Variants in BRAT1 observed in about 807,000 individuals in gnomAD.
The protein encoded by BRAT1 is BRCA1 associated ATM activator 1, also known as integrator complex assembly factor BRAT1.
Under a neutral mutation model 70.6 loss-of-function variants are expected in BRAT1, and 74 were observed. That is an observed-to-expected ratio of 1.05 (90% CI 0.87 to 1.27). The LOEUF (loss-of-function observed/expected upper bound fraction) is 1.27, where lower values mean the gene tolerates loss of function less well. Ranked by LOEUF, BRAT1 falls within the 50% of genes most tolerant of loss-of-function variation. BRAT1 has a pLI of 0.00. For synonymous variants in BRAT1, 615 were observed against 517.1 expected (o/e 1.19, Z -2.57); for missense variants, 1,203 against 1,098.2 (o/e 1.10, Z -1.35).
intron 10 of BRAT1, 93 bp downstream of exon 10, chr7:2,540,886 C>T (rs1285227121): frequency 2.6e-5 from 33 of 1,267,328 alleles, no homozygotes; most frequent in Admixed American, 3.6e-5. Flanking sequence ...AGGCCCCATC[C>T]GCAGAGGCCT....
At chr7:2,554,277 G>A (rs1780247904) in intron 2 of BRAT1, 28 bp downstream of exon 2, 1 of 1,610,226 alleles carries the variant, frequency 6.2e-7, no homozygotes, top group Non-Finnish European at 8.5e-7. Flanking sequence ...CTCTGGATAG[G>A]CAGTAAACAG....
chr7:2,547,616 A>G, intron 2 of BRAT1, 138 bp from the exon 3 acceptor site: 1 of 870,564 alleles, frequency 1.1e-6, no homozygotes, highest in Non-Finnish European at 1.7e-6. Context: ...GGAAAAAAAT[A>G]TCTGCAACAA....
At chr7:2,547,643 A>C (rs551089012) in intron 2 of BRAT1, among the ~76,000 whole-genome samples, 165 bp from the exon 3 acceptor site, 1 of 152,252 alleles carries the variant, frequency 6.6e-6, no homozygotes, top group Non-Finnish European at 1.5e-5. Flanking sequence ...CAAATGACTC[A>C]TAATTTTAAT....
At position 2,543,722 on chromosome 7, in the gene BRAT1, G is replaced by A. The variant is rs1451927614; in HGVS notation, c.671C>T (p.Thr224Ile). 2 of 1,590,152 alleles carry A rather than the reference G, an allele frequency of 1.3e-6. No homozygotes were observed. Among genetic ancestry groups the A allele is most frequent in the Admixed American group, 1.7e-5 (1 of 58,962 alleles). Residue 224 changes from threonine to isoleucine, a missense_variant, in exon 5 of 14, where the codon ACC becomes ATC. Coordinates refer to ENST00000340611, the MANE Select transcript of BRAT1 (RefSeq NM_152743.4). This position sits in a 1 kb window ranked among gnomAD's most constrained non-coding sequence, Gnocchi z 5.5. Reference protein sequence around the residue: ...VTQALNVLTTTFGRCQSPWTE... With the variant: ...VTQALNVLTTIFGRCQSPWTE... The stretch of plus-strand genomic sequence containing the variant: ...CCAGGGGCTCTGGCAGCGCCCGAAG[G>A]TCGTGGTCAGGACGTTCAGGGCCTG...
In BRAT1 at chr7:2,539,810, G is replaced by A. The variant is rs1338434584; in HGVS notation, c.1474C>T (p.Pro492Ser). Residue 492 changes from proline (P) to serine (S), a missense_variant, in exon 11 of 14, where the codon CCC (proline) becomes TCC (serine). By Grantham distance (74) the Pro-to-Ser change is moderately conservative. Transcript: ENST00000340611. ...PKTPGCSDLG[P>S]LIPQFLRELF... ...CCTCTGAGGAACTGCGGGATGAGGG[G>A]GCCGAGATCAGAGCAGCCGGGGGTC... 1.9e-6 allele frequency: 3 copies of A among 1,611,940 alleles called. No individual in the cohort carries two copies. The highest frequency in any genetic ancestry group is 2.2e-5 in the East Asian group (1 of 44,810).
At position 2,541,797 on chromosome 7, in the gene BRAT1, TCCA is replaced by T; in HGVS notation, c.1052_1054del (p.Val351del). ...GGACGACTTGGAGGCCAGGAGTGTG[TCCA>T]CCGTCGTGGCATCGTCTGCCGTCCC... On this transcript the variant is annotated inframe_deletion, in exon 8 of 14. Coordinates refer to ENST00000340611, the MANE Select transcript of BRAT1 (RefSeq NM_152743.4). 1.2e-6 allele frequency: 2 copies of T among 1,612,748 alleles called. No homozygotes were observed. Among genetic ancestry groups the T allele is most frequent in the Non-Finnish European group, 1.7e-6 (2 of 1,179,856 alleles).
At chr7:2,549,200 T>C (rs1583328595) in intron 2 of BRAT1, among the ~76,000 whole-genome samples, 1 of 151,934 alleles carries the variant, frequency 6.6e-6, no homozygotes, top group East Asian at 1.9e-4. Context: ...AATATAAGGG[T>C]AGCCACTGAA....
chr7:2,539,566 G>A lies in BRAT1; in HGVS notation c.1575C>T (p.Thr525=). 1 of 1,573,608 alleles carries A rather than the reference G, an allele frequency of 6.4e-7. No individual in the cohort carries two copies. Among genetic ancestry groups the A allele is most frequent in the Non-Finnish European group, 8.6e-7 (1 of 1,158,788 alleles). Reference sequence around the variant, plus strand: ...CACCTCCCCAGTGCCTGCTCAGCTGGGTCAGGAACTCGAGGGCGGAGTCCC... The same window carrying A: ...CACCTCCCCAGTGCCTGCTCAGCTGAGTCAGGAACTCGAGGGCGGAGTCCC... The part of the protein sequence containing the change: ...EVRDSALEFL[T]QLSRHWGGQA... The change falls in exon 12 of 14, where the codon ACC becomes ACT. Residue 525 remains threonine (T), a synonymous_variant. Coordinates refer to ENST00000340611, the MANE Select transcript of BRAT1 (RefSeq NM_152743.4).
chr7:2,541,605 G>A, intron 8 of BRAT1, 113 bp downstream of exon 8: 1 of 1,456,126 alleles, frequency 6.9e-7, no homozygotes, highest in Non-Finnish European at 9.2e-7. Context: ...TCCCACTGCT[G>A]GCGTGGATGC....
chr7:2,543,989 G>GA lies in BRAT1; in HGVS notation c.431-28dup, dbSNP rs772790948. On this transcript the variant is annotated intron_variant, in intron 4 of 13. Coordinates refer to ENST00000340611, the MANE Select transcript of BRAT1 (RefSeq NM_152743.4). The surrounding 1 kb of genome is among the most constrained non-coding windows in gnomAD (Gnocchi z 5.5). Reference sequence around the variant, plus strand: ...TGGGTAGGGGATGGGGGAAGAGAGGGAAAAGGGGGTGAGCCAGAATAGAGC... The same window carrying GA: ...TGGGTAGGGGATGGGGGAAGAGAGGGAAAAAGGGGGTGAGCCAGAATAGAGC... 1.3e-6 allele frequency: 2 copies of GA among 1,521,270 alleles called. No homozygotes were observed. Among genetic ancestry groups the GA allele is most frequent in the Non-Finnish European group, 1.8e-6 (2 of 1,128,416 alleles). 94.2% of individuals were successfully genotyped at this position (1,521,270 alleles called of 1,614,324 possible).
chr7:2,541,094 C>T, intron 9 of BRAT1, 42 bp from the exon 10 acceptor site: 1 of 1,504,508 alleles, frequency 6.6e-7, no homozygotes, highest in South Asian at 1.3e-5. Flanking sequence ...CACCCCCACC[C>T]TAGGACCCTC....
intron 9 of BRAT1, 74 bp downstream of exon 9, chr7:2,541,224 G>T: frequency 6.7e-7 from 1 of 1,483,528 alleles, no homozygotes; most frequent in South Asian, 1.4e-5. Context: ...AGCAGTTCCC[G>T]GGTGCCTCCG....
intron 2 of BRAT1, among the ~76,000 whole-genome samples, chr7:2,552,523 C>G (rs1780115181): frequency 6.7e-6 from 1 of 149,954 alleles, no homozygotes; most frequent in African/African-American, 2.5e-5. Context: ...CCCAGGAGAT[C>G]GAAAACAGCT....
rs1348960942 is a variant in BRAT1 at position 2,537,890 on chromosome 7, TAA to T, written c.*177_*178del. 1 of 1,045,354 alleles carries T rather than the reference TAA, an allele frequency of 9.6e-7. No individual in the cohort carries two copies. Among genetic ancestry groups the T allele is most frequent in the Non-Finnish European group, 1.3e-6 (1 of 785,152 alleles). 64.8% of individuals were successfully genotyped at this position (1,045,354 alleles called of 1,614,324 possible). A position where few individuals can be genotyped will look rare whatever the true frequency, so the allele number is the denominator to read the frequency against. The stretch of plus-strand genomic sequence containing the variant: ...CAATGCCATTTATTTTGAGTAGAAA[TAA>T]GTCATTTCTTTAATACATCAAACTG... On this transcript the variant is annotated 3_prime_UTR_variant, in exon 14 of 14. Coordinates refer to ENST00000340611, the MANE Select transcript of BRAT1 (RefSeq NM_152743.4).
At chr7:2,553,614 C>G (rs1412931056) in intron 2 of BRAT1, among the ~76,000 whole-genome samples, 1 of 151,072 alleles carries the variant, frequency 6.6e-6, no homozygotes, top group African/African-American at 2.4e-5. Flanking sequence ...CCTCTTTACT[C>G]TTTTGTTCAT....
In BRAT1 at chr7:2,539,200, A is replaced by G; in HGVS notation, c.1749T>C (p.Pro583=). The G allele has an allele frequency of 6.2e-7, 1 of 1,607,434 alleles. No homozygotes were observed. Among genetic ancestry groups the G allele is most frequent in the Non-Finnish European group, 8.5e-7 (1 of 1,177,460 alleles). Residue 583 remains proline, a synonymous_variant, in exon 13 of 14, where the codon CCT becomes CCC. Coordinates refer to ENST00000340611, the MANE Select transcript of BRAT1 (RefSeq NM_152743.4). Reference sequence around the variant, plus strand: ...CTACCTGCCGGGCCTCTGCATGCTCAGGGCTGGTGGGGGCGTGCAGGCCCT... The same window carrying G: ...CTACCTGCCGGGCCTCTGCATGCTCGGGGCTGGTGGGGGCGTGCAGGCCCT... ...SSQGLHAPTS[P]EHAEARQSLF...
intron 3 of BRAT1, among the ~76,000 whole-genome samples, chr7:2,545,493 C>CTTTTTTTT (rs1260051801): frequency 6.5e-5 from 7 of 107,576 alleles, no homozygotes; most frequent in African/African-American, 3.4e-4. Flanking sequence ...ACACTTTCTT[C>CTTTTTTTT]TTCTTTTTTT....
Position 2,543,375 on chromosome 7 carries a change from T to C in BRAT1, c.804-52A>G. 2.0e-6 allele frequency: 3 copies of C among 1,525,160 alleles called. No homozygotes were observed. The highest frequency in any genetic ancestry group is 2.5e-5 in the South Asian group (2 of 79,006). The allele number at this position is 1,525,160 out of a possible 1,614,324, so 94.5% of individuals were successfully genotyped here. ...TTACTCCCCCACCCTCAAAACCCCATTCGAGGCCTGGCTGAGACTGCCATG... is the reference window on the plus strand; with the variant it reads ...TTACTCCCCCACCCTCAAAACCCCACTCGAGGCCTGGCTGAGACTGCCATG... On this transcript the variant is annotated intron_variant, in intron 5 of 13. Coordinates refer to ENST00000340611, the MANE Select transcript of BRAT1 (RefSeq NM_152743.4). This position sits in a 1 kb window ranked among gnomAD's most constrained non-coding sequence, Gnocchi z 5.5.
Position 2,554,366 on chromosome 7 carries a change from C to T in BRAT1, c.66G>A (p.Pro22=), listed in dbSNP as rs764648033. ...LCAVLVDPRQ[P]VADDTCLEKL... The stretch of plus-strand genomic sequence containing the variant: ...TCTCCAAACAGGTGTCATCTGCCAC[C>T]GGCTGCCTGGGATCTACCAGAACAG... The change falls in exon 2 of 14, where the codon CCG becomes CCA. Residue 22 remains proline, a synonymous_variant. Coordinates refer to ENST00000340611, the MANE Select transcript of BRAT1 (RefSeq NM_152743.4). 6 of 1,614,068 alleles carry T rather than the reference C, an allele frequency of 3.7e-6. No homozygotes were observed. Among genetic ancestry groups the T allele is most frequent in the South Asian group, 1.1e-5 (1 of 91,084 alleles).
Sources: allele counts gnomAD v4.1 joint callset (sites outside exome capture counted in the v4.1 genomes callset), GRCh38; gene constraint gnomAD v4.1.1; non-coding constraint Gnocchi (gnomAD v3.1); transcripts MANE v1.5; gene names NCBI Gene and HGNC (gene_info 2026-07-23, HGNC 2026-07-21).